The following GPC5 variants were observed in gnomAD, a reference collection of about 807,000 sequenced individuals.
GPC5 encodes the protein glypican-5.
In GPC5, 47 loss-of-function variants were observed where a neutral mutation model predicts 53.9. The observed-to-expected ratio is 0.87, with a 90% confidence interval of 0.69 to 1.11. The LOEUF is 1.11. Ranked by LOEUF, GPC5 falls within the 50% of genes most tolerant of loss-of-function variation. The pLI is 0.00. For synonymous variants in GPC5, 286 were observed against 263.3 expected (o/e 1.09, Z -0.84); for missense variants, 748 against 713.1 (o/e 1.05, Z -0.56).
intron 2 of GPC5, among the ~76,000 whole-genome samples, chr13:91,516,022 G>GC (rs1013592319): frequency 5.9e-5 from 9 of 152,082 alleles, no homozygotes; most frequent in African/African-American, 1.7e-4. Flanking sequence ...GGAAAGACTG[G>GC]CCCCCCATGA....
intron 5 of GPC5, among the ~76,000 whole-genome samples, chr13:91,831,714 T>C (rs562639299): frequency 3.5e-4 from 53 of 151,972 alleles, no homozygotes; most frequent in Non-Finnish European, 1.6e-4. Flanking sequence ...AAACTAAAAA[T>C]ATATTAATTA....
rs1387545703 is a variant in GPC5, at chr13:92,069,972, C to T, written c.1402-74858C>T. Reference sequence around the variant, plus strand: ...ACAAAAGAGACTTTGTAGTTGGAATCATGAATCATATTAAAAGGAGGACTG... The same window carrying T: ...ACAAAAGAGACTTTGTAGTTGGAATTATGAATCATATTAAAAGGAGGACTG... On this transcript the variant is annotated intron_variant, in intron 6 of 7. Coordinates refer to ENST00000377067, the MANE Select transcript of GPC5 (RefSeq NM_004466.6). Among the ~76,000 whole-genome samples, 6 of 152,128 alleles carry T rather than the reference C, an allele frequency of 3.9e-5. No individual in the cohort carries two copies. The South Asian group carries it at 8.3e-4, about 21-fold the overall frequency.
chr13:92,013,891 A>T (rs1047084642), intron 6 of GPC5, among the ~76,000 whole-genome samples: 6 of 152,210 alleles, frequency 3.9e-5, no homozygotes, highest in Non-Finnish European at 7.4e-5. Context: ...AATCAAAATT[A>T]AAACATGATA....
chr13:92,458,627 A>AGGGAAAAAGAGAGG (rs1400814909), intron 7 of GPC5, among the ~76,000 whole-genome samples: 1 of 151,780 alleles, frequency 6.6e-6, no homozygotes, highest in Non-Finnish European at 1.5e-5. Context: ...AAAGAAAGGG[A>AGGGAAAAAGAGAGG]GGGAAAAAGA....
chr13:92,728,181 G>C lies in GPC5; in HGVS notation c.1562-138101G>C, dbSNP rs1055862020. 1.3e-4 allele frequency among the ~76,000 whole-genome samples: 19 copies of C among 151,370 alleles called. 1 individual carries two copies. The highest frequency in any genetic ancestry group is 2.4e-4 in the Non-Finnish European group (16 of 67,606). On this transcript the variant is annotated intron_variant, in intron 7 of 7. Coordinates refer to ENST00000377067, the MANE Select transcript of GPC5 (RefSeq NM_004466.6). ...TTATTTGCCATAGGCATTTATAAACGAACTGATTTCTTTACCATTATGAAG... is the reference window on the plus strand; with the variant it reads ...TTATTTGCCATAGGCATTTATAAACCAACTGATTTCTTTACCATTATGAAG...
At chr13:91,882,895 A>T (rs2039282817) in intron 5 of GPC5, among the ~76,000 whole-genome samples, 1 of 152,154 alleles carries the variant, frequency 6.6e-6, no homozygotes, top group South Asian at 2.1e-4. Flanking sequence ...AAATCAGGAA[A>T]GGAAGCTAGA....
intron 3 of GPC5, among the ~76,000 whole-genome samples, chr13:91,707,307 A>C (rs1272066773): frequency 2.1e-5 from 3 of 144,192 alleles, no homozygotes; most frequent in Non-Finnish European, 4.4e-5. Flanking sequence ...GCCGCTTCAC[A>C]CTGAGTAGGT....
At chr13:92,018,302 T>G (rs1404659868) in intron 6 of GPC5, among the ~76,000 whole-genome samples, 1 of 152,180 alleles carries the variant, frequency 6.6e-6, no homozygotes. Flanking sequence ...AAAAATATTT[T>G]TATATGTGTA....
At chr13:92,286,642 A>C (rs1208072602) in intron 7 of GPC5, among the ~76,000 whole-genome samples, 1 of 151,278 alleles carries the variant, frequency 6.6e-6, no homozygotes, top group Non-Finnish European at 1.5e-5. Context: ...AGGACAAAAA[A>C]CCAAATACCG....
At chr13:92,593,081 C>A (rs907201373) in intron 7 of GPC5, among the ~76,000 whole-genome samples, 1 of 151,164 alleles carries the variant, frequency 6.6e-6, no homozygotes, top group African/African-American at 2.4e-5. Flanking sequence ...TGGGGATGAA[C>A]TGAGTAGCCA....
chr13:92,366,636 T>C (rs910359890), intron 7 of GPC5, among the ~76,000 whole-genome samples: 1 of 148,166 alleles, frequency 6.7e-6, no homozygotes, highest in African/African-American at 2.7e-5. Context: ...ATTTGGGTGC[T>C]ATCGTGGCTA....
At chr13:92,177,001 C>T (rs947731205) in intron 7 of GPC5, among the ~76,000 whole-genome samples, 1 of 152,126 alleles carries the variant, frequency 6.6e-6, no homozygotes, top group Non-Finnish European at 1.5e-5. Context: ...TTGCTATTTC[C>T]GTCATTGTTT....
chr13:92,656,190 G>T (rs1353791112), intron 7 of GPC5, among the ~76,000 whole-genome samples: 1 of 152,200 alleles, frequency 6.6e-6, no homozygotes, highest in African/African-American at 2.4e-5. Context: ...GGGCAGAGTG[G>T]AAGGTAGTTT....
chr13:92,035,290 T>G (rs2040884185), intron 6 of GPC5, among the ~76,000 whole-genome samples: 1 of 152,134 alleles, frequency 6.6e-6, no homozygotes, highest in Non-Finnish European at 1.5e-5. Flanking sequence ...CACGGGACGT[T>G]CAGCTCTTCT....
At chr13:91,465,314 C>T (rs1332421989) in intron 2 of GPC5, among the ~76,000 whole-genome samples, 1 of 152,046 alleles carries the variant, frequency 6.6e-6, no homozygotes, top group East Asian at 1.9e-4. Context: ...ATGCAATGAC[C>T]ACCACAATTA....
chr13:92,051,335 G>A (rs2041027028), intron 6 of GPC5, among the ~76,000 whole-genome samples: 1 of 151,488 alleles, frequency 6.6e-6, no homozygotes, highest in South Asian at 2.1e-4. Context: ...CTGAGTAGCT[G>A]GAACTACAGG....
chr13:91,424,691 T>A (rs1362673101), intron 1 of GPC5, among the ~76,000 whole-genome samples: 2 of 152,056 alleles, frequency 1.3e-5, no homozygotes, highest in Non-Finnish European at 2.9e-5. Context: ...CTAAAGACAC[T>A]AAGAATGTGG....
At position 92,400,698 on chromosome 13, in the gene GPC5, A is replaced by C. The variant is rs35629298; in HGVS notation, c.1561+255709A>C. Among the ~76,000 whole-genome samples the C allele has an allele frequency of 5.2e-3, 785 of 152,324 alleles. 13 individuals carry two copies. The highest frequency in any genetic ancestry group is 0.027 in the Middle Eastern group (8 of 294). On this transcript the variant is annotated intron_variant, in intron 7 of 7. Transcript: ENST00000377067. ...GTATATATTTCCTACAGCAGTTATCATATTGTCTTACATCACAATTGTTTT... is the reference window on the plus strand; with the variant it reads ...GTATATATTTCCTACAGCAGTTATCCTATTGTCTTACATCACAATTGTTTT...
At chr13:91,993,132 T>C (rs2040472216) in intron 6 of GPC5, among the ~76,000 whole-genome samples, 3 of 152,344 alleles carry the variant, frequency 2.0e-5, no homozygotes, top group South Asian at 4.1e-4. Flanking sequence ...CCTTTGTTCT[T>C]TGCAGTTTGA....
Sources: gnomAD v4.1 joint callset for allele counts (sites outside exome capture counted in the v4.1 genomes callset) on GRCh38, gnomAD v4.1.1 for gene constraint, MANE v1.5 for transcripts, NCBI Gene and HGNC (gene_info 2026-07-23, HGNC 2026-07-21) for gene names.